Variants in TBCD observed in about 807,000 individuals in gnomAD.
The protein encoded by TBCD is tubulin-specific chaperone D.
A neutral mutation model predicts 169.3 loss-of-function variants in TBCD; 105 were observed. The ratio of observed to expected loss-of-function variants is 0.62; its 90% CI spans 0.53 to 0.73. The LOEUF is 0.73. Ranked by LOEUF, TBCD falls within the 30% of genes least tolerant of loss-of-function variation. The pLI, the probability that TBCD is intolerant of heterozygous loss-of-function variation, is 0.00. For synonymous variants in TBCD, 700 were observed against 643.9 expected (o/e 1.09, Z -1.32); for missense variants, 1,444 against 1,600.1 (o/e 0.90, Z 1.66).
chr17:82,762,407 A>G (rs1203616335), intron 2 of TBCD, among the ~76,000 whole-genome samples: 1 of 152,102 alleles, frequency 6.6e-6, no homozygotes, highest in African/African-American at 2.4e-5. Context: ...TTGGGAAAAT[A>G]CGCATGTGTG....
chr17:82,926,541 C>G, intron 28 of TBCD, 50 bp downstream of exon 28: 1 of 1,484,462 alleles, frequency 6.7e-7, no homozygotes, highest in South Asian at 1.1e-5. Context: ...GAAAGGCCAG[C>G]AGATGAACGC....
chr17:82,905,288 C>T (rs148079705), intron 19 of TBCD, among the ~76,000 whole-genome samples: 27 of 152,360 alleles, frequency 1.8e-4, no homozygotes, highest in Non-Finnish European at 2.6e-4. Flanking sequence ...CATGCTCCCT[C>T]TCCTGTCTGA....
chr17:82,932,855 GGTCA>G, intron 34 of TBCD, 120 bp downstream of exon 34: 1 of 918,804 alleles, frequency 1.1e-6, no homozygotes, highest in Non-Finnish European at 1.7e-6. Context: ...GTGCGTTCTG[GGTCA>G]GTTATGGTGA....
At position 82,930,468 on chromosome 17, in the gene TBCD, AG is replaced by A; in HGVS notation, c.2992-50del. On this transcript the variant is annotated intron_variant, in intron 32 of 38. Coordinates refer to ENST00000355528, the MANE Select transcript of TBCD (RefSeq NM_005993.5). This position sits in a 1 kb window ranked among gnomAD's most constrained non-coding sequence, Gnocchi z 5.2. ...GCTTGACCGGCTGTAGCCAAGCCTGAGGGGTGGCAGGCTCGGGGGTCCCACT... is the reference window on the plus strand; with the variant it reads ...GCTTGACCGGCTGTAGCCAAGCCTGAGGGTGGCAGGCTCGGGGGTCCCACT... The A allele has an allele frequency of 6.3e-7, 1 of 1,594,340 alleles. No individual in the cohort carries two copies. Among genetic ancestry groups the A allele is most frequent in the South Asian group, 1.1e-5 (1 of 88,616 alleles).
chr17:82,829,974 T>C (rs998931032), intron 13 of TBCD: 2 of 1,163,990 alleles, frequency 1.7e-6, no homozygotes, highest in Admixed American at 5.2e-5. Context: ...TTAATATTTA[T>C]AAAAACTGAA....
rs537563250 is a variant in TBCD at position 82,930,628 on chromosome 17, A to G, written c.3098A>G (p.Asn1033Ser). Residue 1033 changes from asparagine (N) to serine (S), a missense_variant, in exon 33 of 39, where the codon AAC becomes AGC. By Grantham distance (46) the Asn-to-Ser change is conservative. Coordinates refer to ENST00000355528, the MANE Select transcript of TBCD (RefSeq NM_005993.5). The surrounding 1 kb of genome is among the most constrained non-coding windows in gnomAD (Gnocchi z 5.2). ...SGTLLQIFEDNLLNERVSVPL... is the reference protein window; with the variant it reads ...SGTLLQIFEDSLLNERVSVPL... ...ACCCTTCTGCAGATCTTTGAGGACA[A>G]CCTTCTGAATGAGAGGTGAGTGGTG... 29 of 1,613,814 alleles carry G rather than the reference A, an allele frequency of 1.8e-5. No individual in the cohort carries two copies. Among genetic ancestry groups the G allele is most frequent in the East Asian group, 2.2e-5 (1 of 44,868 alleles).
At chr17:82,870,078 A>ATCGG in intron 13 of TBCD, 146 bp from the exon 14 acceptor site, 2 of 1,050,076 alleles carry the variant, frequency 1.9e-6, no homozygotes, top group Non-Finnish European at 2.8e-6. Flanking sequence ...AGGAGCCCCG[A>ATCGG]ACCTCTGGGT....
intron 13 of TBCD, among the ~76,000 whole-genome samples, chr17:82,854,886 G>A (rs1431987470): frequency 6.6e-6 from 1 of 152,224 alleles, no homozygotes; most frequent in Non-Finnish European, 1.5e-5. Flanking sequence ...CACAAGACAA[G>A]CAAAGCTCTG....
At chr17:82,836,549 C>T (rs544321861) in intron 13 of TBCD, among the ~76,000 whole-genome samples, 48 of 151,972 alleles carry the variant, frequency 3.2e-4, no homozygotes, top group African/African-American at 1.1e-3. Flanking sequence ...TTTTCGAAGC[C>T]GCATTATTTC....
chr17:82,844,990 G>C (rs961317640), intron 13 of TBCD, among the ~76,000 whole-genome samples: 1 of 152,128 alleles, frequency 6.6e-6, no homozygotes, highest in South Asian at 2.1e-4. Context: ...TTACACCAGA[G>C]GTGGGGGGTG....
At chr17:82,791,013 G>A (rs571137690) in intron 7 of TBCD, among the ~76,000 whole-genome samples, 21 of 152,136 alleles carry the variant, frequency 1.4e-4, no homozygotes, top group African/African-American at 4.8e-4. Flanking sequence ...GCTGCTTGGT[G>A]GCTTGGGAGC....
chr17:82,847,140 A>G (rs1201068426), intron 13 of TBCD, among the ~76,000 whole-genome samples: 1 of 152,228 alleles, frequency 6.6e-6, no homozygotes, highest in East Asian at 1.9e-4. Context: ...TCATGAGGTC[A>G]GGAGATCGAG....
rs2063408031 is a variant in TBCD at position 82,942,474 on chromosome 17, G to A, written c.*11G>A. The A allele has an allele frequency of 1.2e-6, 2 of 1,613,952 alleles. No individual in the cohort carries two copies. The highest frequency in any genetic ancestry group is 2.2e-5 in the East Asian group (1 of 44,880). ...CCTGGTGCCTGCTGAAGCCAGTCCT[G>A]GAGCCCATACCTCACCCCTGCCTGG... On this transcript the variant is annotated 3_prime_UTR_variant, in exon 39 of 39. Coordinates refer to ENST00000355528, the MANE Select transcript of TBCD (RefSeq NM_005993.5).
chr17:82,804,030 G>A (rs1317420701), intron 9 of TBCD, among the ~76,000 whole-genome samples: 7 of 144,922 alleles, frequency 4.8e-5, no homozygotes, highest in African/African-American at 1.8e-4. Context: ...TGCCTGTGGG[G>A]CGTTAGCGGG....
intron 9 of TBCD, among the ~76,000 whole-genome samples, chr17:82,802,554 A>G (rs2050648024): frequency 6.6e-6 from 1 of 152,318 alleles, no homozygotes; most frequent in South Asian, 2.1e-4. Context: ...AGGAGAGCTC[A>G]TGGTGGTTCT....
chr17:82,818,018 C>T (rs1240942703), intron 13 of TBCD, among the ~76,000 whole-genome samples: 1 of 152,174 alleles, frequency 6.6e-6, no homozygotes, highest in Non-Finnish European at 1.5e-5. Context: ...GCTCCAGGTT[C>T]ACTCAAAGGA....
At chr17:82,900,756 T>C in intron 18 of TBCD, 25 bp downstream of exon 18, 1 of 1,584,542 alleles carries the variant, frequency 6.3e-7, no homozygotes, top group South Asian at 1.1e-5. Flanking sequence ...TTTGTTTTTC[T>C]AAGAGCTTTT....
rs1052159505 is a variant in TBCD, at chr17:82,930,839, C to T, written c.3113+196C>T. 1.3e-5 allele frequency among the ~76,000 whole-genome samples: 2 copies of T among 152,214 alleles called. No homozygotes were observed. Among genetic ancestry groups the T allele is most frequent in the Middle Eastern group, 3.2e-3 (1 of 316 alleles). On this transcript the variant is annotated intron_variant, in intron 33 of 38. Transcript: ENST00000355528. This position sits in a 1 kb window ranked among gnomAD's most constrained non-coding sequence, Gnocchi z 5.2. ...GTTCTCCGGGCGGCCAGGCCTCAGC[C>T]CCTGCGCCTCCTCTTCTAGCCTCCA...
Position 82,831,107 on chromosome 17 carries a change from G to T in TBCD, c.1318+16173G>T, listed in dbSNP as rs890916513. Reference sequence around the variant, plus strand: ...ACAGGCCTGAAGGCTGTGAGGCTTTGCTCTGGCGGGTAGAGTCTTCCCAGT... The same window carrying T: ...ACAGGCCTGAAGGCTGTGAGGCTTTTCTCTGGCGGGTAGAGTCTTCCCAGT... On this transcript the variant is annotated intron_variant, in intron 13 of 38. Transcript: ENST00000355528. The surrounding 1 kb of genome is among the most constrained non-coding windows in gnomAD (Gnocchi z 4.6). 6.2e-7 allele frequency: 1 copy of T among 1,614,192 alleles called. No individual in the cohort carries two copies. Among genetic ancestry groups the T allele is most frequent in the Non-Finnish European group, 8.5e-7 (1 of 1,180,028 alleles).
Sources: allele counts gnomAD v4.1 joint callset (sites outside exome capture counted in the v4.1 genomes callset), GRCh38; gene constraint gnomAD v4.1.1; non-coding constraint Gnocchi (gnomAD v3.1); transcripts MANE v1.5; gene names NCBI Gene and HGNC (gene_info 2026-07-23, HGNC 2026-07-21).